The following GNAZ variants were observed in gnomAD, a reference collection of about 807,000 sequenced individuals.
The protein encoded by GNAZ is G protein subunit alpha z.
A neutral mutation model predicts 25.4 loss-of-function variants in GNAZ; 3 were observed. That is an observed-to-expected ratio of 0.12 (90% CI 0.05 to 0.30). The LOEUF is 0.30. Ranked by LOEUF, GNAZ falls within the 10% of genes least tolerant of loss-of-function variation. The pLI is 1.00. For missense variants in GNAZ, 241 were observed against 501.8 expected (o/e 0.48, Z 4.97); for synonymous variants, 211 against 205.7 (o/e 1.03, Z -0.22).
intron 2 of GNAZ, among the ~76,000 whole-genome samples, chr22:23,100,016 G>C (rs529974236): frequency 2.0e-5 from 3 of 152,268 alleles, no homozygotes; most frequent in Non-Finnish European, 4.4e-5. Flanking sequence ...ATGTTCTCAT[G>C]TGGAAACCCA....
intron 2 of GNAZ, among the ~76,000 whole-genome samples, chr22:23,102,229 T>C (rs1156702800): frequency 6.6e-6 from 1 of 152,204 alleles, no homozygotes; most frequent in Admixed American, 6.5e-5. Context: ...CAGTGAATGA[T>C]GGGTATCTGC....
rs75024171 is a variant in GNAZ, at chr22:23,103,931, C to T, written c.723+7513C>T. 6.0e-3 allele frequency among the ~76,000 whole-genome samples: 909 copies of T among 152,324 alleles called. 9 individuals are homozygous for T. The highest frequency in any genetic ancestry group is 0.021 in the African/African-American group (861 of 41,578). On this transcript the variant is annotated intron_variant, in intron 2 of 2. Transcript: ENST00000615612. Reference sequence around the variant, plus strand: ...CTCTCTGTGACTGGCCCTGAGCCTGCCCTAGGAAACAGTTTTCTAGGTGCA... The same window carrying T: ...CTCTCTGTGACTGGCCCTGAGCCTGTCCTAGGAAACAGTTTTCTAGGTGCA...
rs148603348 is a variant in GNAZ, at chr22:23,095,989, C to T, written c.294C>T (p.Pro98=). ...LAALRIDFHN[P]DRAYDAVQLF... ...CCCTCAGGATCGACTTCCACAACCC[C>T]GACCGCGCCTACGACGCTGTGCAGC... Residue 98 remains proline (P), a synonymous_variant, in exon 2 of 3, where the codon CCC becomes CCT. Transcript: ENST00000615612. 6.2e-4 allele frequency: 998 copies of T among 1,609,846 alleles called. 1 individual carries two copies. The highest frequency in any genetic ancestry group is 8.1e-4 in the Non-Finnish European group (960 of 1,179,998).
chr22:23,106,089 C>T (rs1299688421), intron 2 of GNAZ, among the ~76,000 whole-genome samples: 3 of 152,222 alleles, frequency 2.0e-5, no homozygotes, highest in East Asian at 1.9e-4. Context: ...TGTTAAGGCA[C>T]CACCTCCAGT....
intron 1 of GNAZ, among the ~76,000 whole-genome samples, chr22:23,090,307 C>T (rs905318584): frequency 3.9e-5 from 6 of 152,098 alleles, no homozygotes; most frequent in Non-Finnish European, 7.4e-5. Flanking sequence ...CCCACCCAGC[C>T]GCCACTCCAT....
At chr22:23,101,585 G>C (rs2146333210) in intron 2 of GNAZ, among the ~76,000 whole-genome samples, 1 of 152,356 alleles carries the variant, frequency 6.6e-6, no homozygotes, top group South Asian at 2.1e-4. Flanking sequence ...ACCTGGTCAA[G>C]GGCATAGCTC....
chr22:23,098,804 C>T (rs1038986095), intron 2 of GNAZ, among the ~76,000 whole-genome samples: 3 of 152,250 alleles, frequency 2.0e-5, no homozygotes, highest in Non-Finnish European at 4.4e-5. Flanking sequence ...GGGCTGGCCC[C>T]GGAGGTGAGC....
intron 1 of GNAZ, among the ~76,000 whole-genome samples, chr22:23,092,171 C>T (rs2068998738): frequency 6.6e-6 from 1 of 152,192 alleles, no homozygotes; most frequent in South Asian, 2.1e-4. Context: ...AGGTTCCATC[C>T]TGGGACTTGG....
intron 2 of GNAZ, among the ~76,000 whole-genome samples, chr22:23,096,986 C>G (rs772388410): frequency 6.6e-6 from 1 of 152,142 alleles, no homozygotes; most frequent in Non-Finnish European, 1.5e-5. Flanking sequence ...GGTGGGGAGC[C>G]GGGTGAAGCA....
chr22:23,118,366 G>A lies in GNAZ; in HGVS notation c.724-4721G>A, dbSNP rs535803442. On this transcript the variant is annotated intron_variant, in intron 2 of 2. Transcript: ENST00000615612. The stretch of plus-strand genomic sequence containing the variant: ...GACAAACCCCAGCCTCCTAGAAGGC[G>A]CCATCTTGCTGGTAAGCAGGCCCTG... Among the ~76,000 whole-genome samples, 6 of 152,338 alleles carry A rather than the reference G, an allele frequency of 3.9e-5. No individual in the cohort carries two copies. In the East Asian group the frequency reaches 9.6e-4, roughly 24 times the overall value.
intron 1 of GNAZ, among the ~76,000 whole-genome samples, chr22:23,088,506 A>G (rs5759583): frequency 0.35 from 52,601 of 152,108 alleles, 9,958 homozygotes; most frequent in African/African-American, 0.51. Context: ...AACTGGGGTC[A>G]GGATGGGGGT....
chr22:23,091,459 T>TAC (rs150968445), intron 1 of GNAZ, among the ~76,000 whole-genome samples: 1 of 134,134 alleles, frequency 7.5e-6, no homozygotes, highest in Admixed American at 7.4e-5. Flanking sequence ...GTCCTATGCA[T>TAC]ACACACACAC....
chr22:23,114,089 G>A (rs2069741019), intron 2 of GNAZ, among the ~76,000 whole-genome samples: 2 of 152,098 alleles, frequency 1.3e-5, no homozygotes, highest in South Asian at 4.1e-4. Flanking sequence ...CCTCTGCCTC[G>A]GCCCCTCAGT....
intron 1 of GNAZ, among the ~76,000 whole-genome samples, chr22:23,073,074 G>GGCAA (rs1220206895): frequency 6.6e-6 from 1 of 152,238 alleles, no homozygotes; most frequent in African/African-American, 2.4e-5. Context: ...CTCCCCTGGA[G>GGCAA]GCAAGGAAGG....
chr22:23,094,409 C>T (rs1457929570), intron 1 of GNAZ, among the ~76,000 whole-genome samples: 1 of 152,120 alleles, frequency 6.6e-6, no homozygotes, highest in African/African-American at 2.4e-5. Flanking sequence ...GGCCCTGACT[C>T]GCGGGGTTGG....
intron 2 of GNAZ, among the ~76,000 whole-genome samples, chr22:23,119,088 T>G (rs1300765347): frequency 6.6e-6 from 1 of 152,226 alleles, no homozygotes; most frequent in Admixed American, 6.5e-5. Context: ...AGTCACAGTT[T>G]CCAGAGCTAC....
intron 1 of GNAZ, among the ~76,000 whole-genome samples, chr22:23,074,354 G>GT (rs543179940): frequency 6.6e-6 from 1 of 152,178 alleles, no homozygotes; most frequent in Non-Finnish European, 1.5e-5. Context: ...TGGGAGATTT[G>GT]TTTTTTTAAA....
chr22:23,090,039 AC>A (rs1378549445), intron 1 of GNAZ, among the ~76,000 whole-genome samples: 1 of 151,926 alleles, frequency 6.6e-6, no homozygotes, highest in Non-Finnish European at 1.5e-5. Context: ...AATTTGCCAC[AC>A]CCTTCACGCT....
chr22:23,079,398 G>A (rs1476937036), intron 1 of GNAZ, among the ~76,000 whole-genome samples: 3 of 152,302 alleles, frequency 2.0e-5, no homozygotes, highest in South Asian at 4.1e-4. Context: ...CAGTGCACAG[G>A]CCCTGAGTTA....
Sources: allele counts gnomAD v4.1 joint callset (sites outside exome capture counted in the v4.1 genomes callset), GRCh38; gene constraint gnomAD v4.1.1; transcripts MANE v1.5; gene names NCBI Gene and HGNC (gene_info 2026-07-23, HGNC 2026-07-21).